Variants in FOXJ3 observed in about 807,000 individuals in gnomAD.
The protein encoded by FOXJ3 is forkhead box J3, also known as forkhead box protein J3.
FOXJ3 carries 22 observed loss-of-function variants against 76.1 expected under a neutral mutation model. The ratio of observed to expected loss-of-function variants is 0.29; its 90% confidence interval spans 0.21 to 0.41. FOXJ3 has a LOEUF of 0.41. FOXJ3 is among the 10% of genes least tolerant of loss of function. FOXJ3 has a pLI of 1.00. For synonymous variants in FOXJ3, 269 were observed against 261.2 expected (o/e 1.03, Z -0.29); for missense variants, 613 against 762.1 (o/e 0.80, Z 2.30).
At chr1:42,184,053 A>C (rs1646383680) in intron 11 of FOXJ3, among the ~76,000 whole-genome samples, 1 of 152,154 alleles carries the variant, frequency 6.6e-6, no homozygotes, top group African/African-American at 2.4e-5. Flanking sequence ...CTACAGCTCT[A>C]ATACTGGTAC....
chr1:42,335,393 C>A (rs1050294242), upstream of FOXJ3: 5 of 152,276 alleles, frequency 3.3e-5, no homozygotes, highest in Non-Finnish European at 5.9e-5. Context: ...CCTGAGACTC[C>A]CGAGGCTCTG....
In FOXJ3 at chr1:42,181,952, G is replaced by A. The variant is rs756642627; in HGVS notation, c.1718C>T (p.Pro573Leu). Reference sequence around the variant, plus strand: ...TGTTCCTGGAGTGCTGAGTGCCTGTGGGATATGAGGATAACCAGGGGGTGG... The same window carrying A: ...TGTTCCTGGAGTGCTGAGTGCCTGTAGGATATGAGGATAACCAGGGGGTGG... ...VMPPPGYPHI[P>L]QALSTPGTTM... The change falls in exon 12 of 13, where the codon CCA becomes CTA. Residue 573 changes from proline to leucine, a missense_variant. Transcript: ENST00000361346. The A allele has an allele frequency of 6.2e-7, 1 of 1,613,312 alleles. No individual in the cohort carries two copies. The highest frequency in any genetic ancestry group is 1.7e-4 in the Middle Eastern group (1 of 6,056).
At chr1:42,215,341 A>G (rs1253829806) in intron 5 of FOXJ3, among the ~76,000 whole-genome samples, 1 of 152,190 alleles carries the variant, frequency 6.6e-6, no homozygotes. Context: ...AAAGAAAAAT[A>G]TATCAATGGA....
At chr1:42,327,962 T>A (rs1655935922) in intron 1 of FOXJ3, among the ~76,000 whole-genome samples, 2 of 151,892 alleles carry the variant, frequency 1.3e-5, no homozygotes, top group Non-Finnish European at 2.9e-5. Context: ...TTGAAGACAA[T>A]AAAAATAGAT....
At chr1:42,239,994 T>A (rs1649005093) in intron 4 of FOXJ3, among the ~76,000 whole-genome samples, 1 of 152,228 alleles carries the variant, frequency 6.6e-6, no homozygotes, top group South Asian at 2.1e-4. Context: ...GGTCCTTTTC[T>A]GCCCTTAAGA....
chr1:42,265,041 T>G, intron 4 of FOXJ3, 74 bp downstream of exon 4: 1 of 943,022 alleles, frequency 1.1e-6, no homozygotes, highest in South Asian at 1.3e-5. Context: ...TTCAATGAAC[T>G]GGAAAAGTTC....
At chr1:42,296,745 C>T (rs190580201) in intron 2 of FOXJ3, among the ~76,000 whole-genome samples, 1 of 152,318 alleles carries the variant, frequency 6.6e-6, no homozygotes, top group African/African-American at 2.4e-5. Context: ...CAATCTGATG[C>T]CTCTGAATTT....
At chr1:42,191,000 T>C (rs1458276415) in intron 9 of FOXJ3, among the ~76,000 whole-genome samples, 2 of 152,206 alleles carry the variant, frequency 1.3e-5, no homozygotes, top group Non-Finnish European at 2.9e-5. Context: ...TTTTCCTATA[T>C]ATAAAATGTG....
At chr1:42,222,980 T>C (rs932449179) in intron 5 of FOXJ3, among the ~76,000 whole-genome samples, 10 of 152,176 alleles carry the variant, frequency 6.6e-5, no homozygotes, top group African/African-American at 2.4e-4. Flanking sequence ...AAATAATCTC[T>C]CCTTCCTCTG....
chr1:42,203,672 G>A (rs915829325), intron 6 of FOXJ3, among the ~76,000 whole-genome samples: 1 of 152,104 alleles, frequency 6.6e-6, no homozygotes, highest in Non-Finnish European at 1.5e-5. Flanking sequence ...TTAGGAGTTA[G>A]CAAATGCCTT....
chr1:42,251,788 G>A (rs1418239418), intron 4 of FOXJ3, among the ~76,000 whole-genome samples: 3 of 135,762 alleles, frequency 2.2e-5, no homozygotes, highest in Non-Finnish European at 3.0e-5. Context: ...GCGCGATCTC[G>A]ACTCACTGCA....
At chr1:42,250,852 T>C (rs1479375564) in intron 4 of FOXJ3, among the ~76,000 whole-genome samples, 1 of 72,214 alleles carries the variant, frequency 1.4e-5, no homozygotes, top group Non-Finnish European at 3.1e-5. Context: ...TTCACCAAAA[T>C]ATTAGACAGA....
intron 5 of FOXJ3, among the ~76,000 whole-genome samples, chr1:42,210,482 A>C (rs1057047405): frequency 8.5e-5 from 13 of 152,164 alleles, no homozygotes; most frequent in African/African-American, 3.1e-4. Context: ...GCCAACCAGC[A>C]CAGCCCATTA....
intron 2 of FOXJ3, among the ~76,000 whole-genome samples, chr1:42,293,222 A>G (rs1010504644): frequency 1.3e-5 from 2 of 152,200 alleles, no homozygotes; most frequent in Admixed American, 1.3e-4. Flanking sequence ...CTCAGCTTGA[A>G]CAATGAAAGA....
chr1:42,216,609 T>G (rs1647074935), intron 5 of FOXJ3, among the ~76,000 whole-genome samples: 1 of 151,950 alleles, frequency 6.6e-6, no homozygotes, highest in Admixed American at 6.5e-5. Context: ...CTTATGAACA[T>G]CTACAGATGT....
chr1:42,257,534 G>A (rs1040025115), intron 4 of FOXJ3, among the ~76,000 whole-genome samples: 2 of 152,012 alleles, frequency 1.3e-5, no homozygotes, highest in Admixed American at 1.3e-4. Context: ...TGGCCAACAT[G>A]GTGAAATCCC....
chr1:42,263,879 G>T (rs1429088465), intron 4 of FOXJ3, among the ~76,000 whole-genome samples: 1 of 144,844 alleles, frequency 6.9e-6, no homozygotes, highest in Non-Finnish European at 1.5e-5. Flanking sequence ...TTTAAGGGCA[G>T]TAGATAACTA....
chr1:42,179,982 T>G (rs571637768), intron 12 of FOXJ3, among the ~76,000 whole-genome samples, 157 bp from the exon 13 acceptor site: 1 of 152,128 alleles, frequency 6.6e-6, no homozygotes, highest in Non-Finnish European at 1.5e-5. Context: ...CCTTATTTTA[T>G]AGGTAAGGGG....
chr1:42,223,979 G>C (rs1647347023), intron 5 of FOXJ3, among the ~76,000 whole-genome samples: 1 of 152,154 alleles, frequency 6.6e-6, no homozygotes, highest in African/African-American at 2.4e-5. Context: ...AGCTTCATCA[G>C]AGTTATTTTA....
Sources: allele counts gnomAD v4.1 joint callset (sites outside exome capture counted in the v4.1 genomes callset), GRCh38; gene constraint gnomAD v4.1.1; transcripts MANE v1.5; gene names NCBI Gene and HGNC (gene_info 2026-07-23, HGNC 2026-07-21).